The following MYO10 variants were observed in gnomAD, a reference collection of about 807,000 sequenced individuals.
MYO10 encodes myosin X, also known as unconventional myosin-X.
Under a neutral mutation model 257.3 loss-of-function variants are expected in MYO10, and 133 were observed. The ratio of observed to expected loss-of-function variants is 0.52; its 90% CI spans 0.45 to 0.60. The LOEUF (loss-of-function observed/expected upper bound fraction) is 0.60, where lower values mean the gene tolerates loss of function less well. Among genes scored for constraint, MYO10 ranks in the 20% least tolerant of loss-of-function variants. MYO10 has a pLI of 0.00. For missense variants in MYO10, 2,399 were observed against 2,635.7 expected (o/e 0.91, Z 1.97); for synonymous variants, 1,104 against 1,028.6 (o/e 1.07, Z -1.40).
At chr5:16,743,837 C>G (rs990857156) in intron 19 of MYO10, among the ~76,000 whole-genome samples, 10 of 152,078 alleles carry the variant, frequency 6.6e-5, no homozygotes, top group African/African-American at 2.2e-4. Context: ...ACAGTGGACT[C>G]CTAATATCAA....
intron 2 of MYO10, among the ~76,000 whole-genome samples, chr5:16,841,520 T>C (rs2126727341): frequency 6.6e-6 from 1 of 152,296 alleles, no homozygotes; most frequent in East Asian, 1.9e-4. Flanking sequence ...ACCCTTTTTA[T>C]TATGCACGAG....
chr5:16,799,478 T>G (rs1186685562), intron 3 of MYO10, among the ~76,000 whole-genome samples: 2 of 148,998 alleles, frequency 1.3e-5, no homozygotes, highest in East Asian at 3.9e-4. Flanking sequence ...GAATCAGCAG[T>G]GCTTTAGAAG....
At chr5:16,758,802 A>G (rs1368569992) in intron 17 of MYO10, among the ~76,000 whole-genome samples, 3 of 152,208 alleles carry the variant, frequency 2.0e-5, no homozygotes, top group African/African-American at 4.8e-5. Context: ...AAAGGAGAAC[A>G]TGCATGTAAA....
intron 19 of MYO10, among the ~76,000 whole-genome samples, chr5:16,752,648 A>G (rs895404876): frequency 2.6e-5 from 4 of 152,252 alleles, no homozygotes; most frequent in African/African-American, 9.6e-5. Flanking sequence ...ATATGGCACT[A>G]TCATCCTTAT....
intron 4 of MYO10, among the ~76,000 whole-genome samples, chr5:16,794,026 G>A (rs982184999): frequency 3.3e-5 from 5 of 151,862 alleles, no homozygotes; most frequent in South Asian, 4.1e-4. Context: ...TTGTAAAAGC[G>A]AGTACGACTC....
intron 9 of MYO10, among the ~76,000 whole-genome samples, chr5:16,772,298 A>T (rs1050707655): frequency 2.8e-4 from 42 of 152,156 alleles, no homozygotes; most frequent in Middle Eastern, 3.4e-3. Flanking sequence ...ACACCTGGCT[A>T]ATTTTGTATA....
At chr5:16,747,941 A>AAG (rs1740254466) in intron 19 of MYO10, among the ~76,000 whole-genome samples, 1 of 123,924 alleles carries the variant, frequency 8.1e-6, no homozygotes, top group Non-Finnish European at 1.5e-5. Flanking sequence ...AAAAAAAAAA[A>AAG]AAAAAGAAAA....
chr5:16,670,710 C>T lies in MYO10; in HGVS notation c.5699G>A (p.Arg1900Gln), dbSNP rs561035599. The T allele has an allele frequency of 1.3e-5, 21 of 1,614,028 alleles. No individual in the cohort carries two copies. The highest frequency in any genetic ancestry group is 1.6e-4 in the Middle Eastern group (1 of 6,062). ...CATCTGCTCCTCCTCGACCTTCTGC[C>T]GGACCACGGATCCTGTCCGGAAGCT... ...RRSFRTGSVVRQKVEEEQMLD... is the reference protein window; with the variant it reads ...RRSFRTGSVVQQKVEEEQMLD... The change falls in exon 39 of 41, where the codon CGG (arginine) becomes CAG (glutamine). Residue 1900 changes from arginine to glutamine, a missense_variant. Arg to Gln is a conservative substitution (Grantham distance 43, BLOSUM62 1). Transcript: ENST00000513610.
At chr5:16,858,442 A>T (rs952798978) in intron 2 of MYO10, among the ~76,000 whole-genome samples, 7 of 48,906 alleles carry the variant, frequency 1.4e-4, no homozygotes, top group African/African-American at 3.0e-4. Flanking sequence ...CTACTTTTGT[A>T]AAAAAAAAAA....
At chr5:16,688,075 AACAG>A (rs1737329280) in intron 28 of MYO10, among the ~76,000 whole-genome samples, 1 of 152,214 alleles carries the variant, frequency 6.6e-6, no homozygotes, top group African/African-American at 2.4e-5. Context: ...CGTGGCATAA[AACAG>A]ACAGGGCAGC....
At chr5:16,731,421 G>A (rs1194213656) in intron 19 of MYO10, among the ~76,000 whole-genome samples, 1 of 151,780 alleles carries the variant, frequency 6.6e-6, no homozygotes, top group Non-Finnish European at 1.5e-5. Context: ...TCGGCTCACT[G>A]CAACCTCTGC....
At chr5:16,748,600 G>T (rs1362216234) in intron 19 of MYO10, among the ~76,000 whole-genome samples, 1 of 95,702 alleles carries the variant, frequency 1.0e-5, no homozygotes, top group African/African-American at 4.9e-5. Context: ...AGAAAGAAAA[G>T]AAAAAGAGGG....
Position 16,674,928 on chromosome 5 carries a change from T to C in MYO10, c.4889A>G (p.Gln1630Arg). 3 of 1,614,034 alleles carry C rather than the reference T, an allele frequency of 1.9e-6. No homozygotes were observed. The South Asian group carries it at 3.3e-5, about 18-fold the overall frequency. Residue 1630 changes from glutamine to arginine, a missense_variant, in exon 35 of 41, where the codon CAG (glutamine) becomes CGG (arginine). Coordinates refer to ENST00000513610, the MANE Select transcript of MYO10 (RefSeq NM_012334.3). Reference sequence around the variant, plus strand: ...GGTGCAGCTCAGGCATGTCAGGATCTGCCAGCTGTACAGGTTGCCCACACT... The same window carrying C: ...GGTGCAGCTCAGGCATGTCAGGATCCGCCAGCTGTACAGGTTGCCCACACT... ...PGSVGNLYSW[Q>R]ILTCLSCTFL... is the part of the protein sequence containing the mutation.
intron 3 of MYO10, among the ~76,000 whole-genome samples, chr5:16,813,566 A>G (rs1222992333): frequency 2.0e-5 from 3 of 150,534 alleles, no homozygotes; most frequent in African/African-American, 4.9e-5. Flanking sequence ...AAAAAAAAAA[A>G]CCAACAACAA....
intron 2 of MYO10, among the ~76,000 whole-genome samples, chr5:16,827,295 GT>G (rs1189659340): frequency 2.6e-5 from 4 of 151,716 alleles, no homozygotes; most frequent in Non-Finnish European, 5.9e-5. Flanking sequence ...ATCTTTTTTT[GT>G]TTTTTTGGAG....
chr5:16,781,079 A>C (rs929442401), intron 6 of MYO10, among the ~76,000 whole-genome samples: 1 of 145,426 alleles, frequency 6.9e-6, no homozygotes, highest in African/African-American at 2.5e-5. Context: ...ATTTCACAGA[A>C]TTTTTTTTTT....
chr5:16,695,225 T>C (rs1170408925), intron 26 of MYO10, among the ~76,000 whole-genome samples: 4 of 152,048 alleles, frequency 2.6e-5, no homozygotes, highest in Non-Finnish European at 2.9e-5. Flanking sequence ...TCCCAGCTAC[T>C]TGGGAGGCTG....
chr5:16,799,586 G>A (rs560654946), intron 3 of MYO10, among the ~76,000 whole-genome samples: 2 of 151,820 alleles, frequency 1.3e-5, no homozygotes, highest in African/African-American at 2.4e-5. Flanking sequence ...TTCGCCTCCC[G>A]TGTTCAAGCG....
rs1475412349 is a variant in MYO10, at chr5:16,675,088, G to T, written c.4729C>A (p.Gln1577Lys). The T allele has an allele frequency of 1.2e-6, 2 of 1,613,982 alleles. No individual in the cohort carries two copies. The highest frequency in any genetic ancestry group is 1.7e-6 in the Non-Finnish European group (2 of 1,179,896). The change falls in exon 35 of 41, where the codon CAG becomes AAG. Residue 1577 changes from glutamine (Q) to lysine (K), a missense_variant. Transcript: ENST00000513610. The part of the protein sequence containing the change: ...DEAIKIFNSL[Q>K]QLESMSDPIP... ...GGGTCAGACATGGACTCCAGTTGCT[G>T]CAGGGAATTGAATATCTTGATGGCC...
Sources: gnomAD v4.1 joint callset for allele counts (sites outside exome capture counted in the v4.1 genomes callset) on GRCh38, gnomAD v4.1.1 for gene constraint, MANE v1.5 for transcripts, NCBI Gene and HGNC (gene_info 2026-07-23, HGNC 2026-07-21) for gene names.